Variants in PITPNC1 observed in about 807,000 individuals in gnomAD.
PITPNC1 encodes the protein cytoplasmic phosphatidylinositol transfer protein 1.
In PITPNC1, 18 loss-of-function variants were observed where a neutral mutation model predicts 44.7. The ratio of observed to expected loss-of-function variants is 0.40; its 90% CI spans 0.28 to 0.60. PITPNC1 has a LOEUF of 0.60. PITPNC1 is among the 20% of genes least tolerant of loss of function. The pLI is 0.39. For synonymous variants in PITPNC1, 141 were observed against 149.6 expected, an observed-to-expected ratio of 0.94 and a Z score of 0.42; for missense variants, 290 against 418.4, an observed-to-expected ratio of 0.69 and a Z score of 2.68.
intron 1 of PITPNC1, among the ~76,000 whole-genome samples, chr17:67,506,392 C>A (rs1382732472): frequency 6.6e-6 from 1 of 152,036 alleles, no homozygotes; most frequent in Non-Finnish European, 1.5e-5. Flanking sequence ...AATCACTGCC[C>A]TAATCATGAA....
intron 1 of PITPNC1, among the ~76,000 whole-genome samples, chr17:67,456,445 ATTAT>A (rs1264926758): frequency 2.0e-5 from 3 of 152,000 alleles, no homozygotes; most frequent in South Asian, 2.1e-4. Flanking sequence ...TGTTTTTTGA[ATTAT>A]TTGTCTTATT....
intron 1 of PITPNC1, among the ~76,000 whole-genome samples, chr17:67,488,832 C>G (rs1706051637): frequency 6.6e-6 from 1 of 152,194 alleles, no homozygotes; most frequent in Non-Finnish European, 1.5e-5. Context: ...TAAGTAGAAT[C>G]ACACTGTATT....
intron 1 of PITPNC1, among the ~76,000 whole-genome samples, chr17:67,518,121 G>C (rs35476795): frequency 0.06 from 9,166 of 152,172 alleles, 369 homozygotes; most frequent in Non-Finnish European, 0.094. Flanking sequence ...CTTCTATGTT[G>C]TGATTCTGTA....
At chr17:67,398,750 C>G (rs1484313450) in intron 1 of PITPNC1, among the ~76,000 whole-genome samples, 2 of 152,050 alleles carry the variant, frequency 1.3e-5, no homozygotes, top group Non-Finnish European at 2.9e-5. Context: ...AACCACTGAG[C>G]TGATCATCAC....
At chr17:67,455,788 C>A (rs1371290511) in intron 1 of PITPNC1, among the ~76,000 whole-genome samples, 1 of 151,998 alleles carries the variant, frequency 6.6e-6, no homozygotes, top group Non-Finnish European at 1.5e-5. Flanking sequence ...AAAGTTGTCT[C>A]CTAGGAAAGT....
chr17:67,536,119 T>G (rs960570515), intron 2 of PITPNC1, among the ~76,000 whole-genome samples: 1 of 152,066 alleles, frequency 6.6e-6, no homozygotes, highest in Admixed American at 6.6e-5. Flanking sequence ...AGGTAAATCT[T>G]TGAATGGATG....
intron 4 of PITPNC1, among the ~76,000 whole-genome samples, chr17:67,561,276 C>G (rs1209105576): frequency 6.6e-6 from 1 of 151,986 alleles, no homozygotes; most frequent in Non-Finnish European, 1.5e-5. Context: ...GCCAACATGG[C>G]GAAACCCCAC....
At chr17:67,382,542 A>C (rs1179293993) in intron 1 of PITPNC1, among the ~76,000 whole-genome samples, 2 of 152,170 alleles carry the variant, frequency 1.3e-5, no homozygotes, top group Non-Finnish European at 2.9e-5. Flanking sequence ...CTGAGAGCTG[A>C]GAGTTGCTAT....
chr17:67,688,628 A>G (rs184311835), intron 8 of PITPNC1, among the ~76,000 whole-genome samples: 10 of 152,260 alleles, frequency 6.6e-5, no homozygotes, highest in Admixed American at 5.9e-4. Flanking sequence ...GCACAGACCA[A>G]TTCCAGTAGG....
chr17:67,615,129 C>T lies in PITPNC1; in HGVS notation c.367-17014C>T, dbSNP rs574621141. Among the ~76,000 whole-genome samples the T allele has an allele frequency of 2.0e-3, 304 of 152,262 alleles. 4 individuals are homozygous for T. Among genetic ancestry groups the T allele is most frequent in the Non-Finnish European group, 5.6e-4 (38 of 68,002 alleles). On this transcript the variant is annotated intron_variant, in intron 5 of 8. Coordinates refer to ENST00000581322, the MANE Select transcript of PITPNC1 (RefSeq NM_012417.4). ...GGGCAGCTGCCCTGGGGAGCAGGGG[C>T]CCGTGGAGCTCAGCCAGGAGGCCTT... is the stretch of plus-strand genomic sequence containing the variant.
intron 5 of PITPNC1, chr17:67,611,446 T>C (rs1320002961): frequency 6.6e-6 from 1 of 152,246 alleles, no homozygotes; most frequent in Non-Finnish European, 1.5e-5. Context: ...CTCAGATCAA[T>C]AGATGAATGG....
intron 1 of PITPNC1, among the ~76,000 whole-genome samples, chr17:67,440,503 TTTATTTATTTA>T (rs1567990615): frequency 5.7e-4 from 6 of 10,612 alleles, no homozygotes; most frequent in South Asian, 4.8e-3. Flanking sequence ...AGACTTTTTA[TTTATTTATTTA>T]TTTATTTATT....
At chr17:67,650,237 C>T (rs1389772791) in intron 6 of PITPNC1, among the ~76,000 whole-genome samples, 5 of 152,116 alleles carry the variant, frequency 3.3e-5, no homozygotes. Flanking sequence ...TGTATTACAT[C>T]ACAAGGATGA....
intron 1 of PITPNC1, among the ~76,000 whole-genome samples, chr17:67,512,221 G>A (rs576468422): frequency 7.3e-4 from 111 of 152,300 alleles, no homozygotes; most frequent in African/African-American, 2.4e-3. Context: ...TTTGGGGGCC[G>A]GGTGCAGTGG....
At chr17:67,410,175 T>A (rs2038473536) in intron 1 of PITPNC1, among the ~76,000 whole-genome samples, 1 of 152,248 alleles carries the variant, frequency 6.6e-6, no homozygotes, top group South Asian at 2.1e-4. Context: ...CAAGTGGTAT[T>A]TGCAAGTGAA....
At chr17:67,510,938 C>T (rs2040177020) in intron 1 of PITPNC1, among the ~76,000 whole-genome samples, 1 of 152,104 alleles carries the variant, frequency 6.6e-6, no homozygotes, top group East Asian at 1.9e-4. Context: ...TTGAAAAGTA[C>T]ATGTTCCTTA....
At chr17:67,553,904 T>C (rs558735357) in intron 4 of PITPNC1, among the ~76,000 whole-genome samples, 1 of 152,338 alleles carries the variant, frequency 6.6e-6, no homozygotes, top group African/African-American at 2.4e-5. Context: ...TTGGTGATAG[T>C]TCACTATAAT....
chr17:67,417,328 T>C (rs2038603901), intron 1 of PITPNC1, among the ~76,000 whole-genome samples: 1 of 151,570 alleles, frequency 6.6e-6, no homozygotes, highest in Non-Finnish European at 1.5e-5. Context: ...CAGGTCTTGC[T>C]ATGTTTGCCC....
At chr17:67,643,932 T>A (rs904578927) in intron 6 of PITPNC1, among the ~76,000 whole-genome samples, 1 of 152,170 alleles carries the variant, frequency 6.6e-6, no homozygotes, top group Non-Finnish European at 1.5e-5. Context: ...CAGGAGTTTG[T>A]TTGCGTGTCG....
Sources: gnomAD v4.1 joint callset for allele counts (sites outside exome capture counted in the v4.1 genomes callset) on GRCh38, gnomAD v4.1.1 for gene constraint, MANE v1.5 for transcripts, NCBI Gene and HGNC (gene_info 2026-07-23, HGNC 2026-07-21) for gene names.